The following NKIRAS1 variants were observed in gnomAD, a reference collection of about 807,000 sequenced individuals.
The protein encoded by NKIRAS1 is NFKB inhibitor interacting Ras like 1.
NKIRAS1 carries 16 observed loss-of-function variants against 19.8 expected under a neutral mutation model. The observed-to-expected ratio is 0.81, with a 90% confidence interval of 0.55 to 1.23. The LOEUF (loss-of-function observed/expected upper bound fraction) is 1.23, where lower values mean the gene tolerates loss of function less well. Ranked by LOEUF, NKIRAS1 falls within the 50% of genes most tolerant of loss-of-function variation. NKIRAS1 has a pLI of 0.00. For missense variants in NKIRAS1, 184 were observed against 220.0 expected (o/e 0.84, Z 1.04); for synonymous variants, 88 against 79.0 (o/e 1.11, Z -0.61).
chr3:23,917,781 G>C, upstream of NKIRAS1: 2 of 1,457,250 alleles, frequency 1.4e-6, no homozygotes, highest in South Asian at 2.7e-5. Flanking sequence ...GGGGAACTAA[G>C]ATGGACGGAT....
intron 1 of NKIRAS1, among the ~76,000 whole-genome samples, chr3:23,911,943 T>A (rs1055462692): frequency 1.3e-5 from 2 of 152,090 alleles, no homozygotes; most frequent in Non-Finnish European, 2.9e-5. Flanking sequence ...TTTGTATTTT[T>A]AGTAGAGACG....
chr3:23,894,640 C>CCACCTCTGCTTTGAATGTTCCTT (rs1701801477), intron 4 of NKIRAS1, among the ~76,000 whole-genome samples: 1 of 152,188 alleles, frequency 6.6e-6, no homozygotes, highest in African/African-American at 2.4e-5. Context: ...TCTGCGTCCT[C>CCACCTCTGCTTTGAATGTTCCTT]CACCTCTGCT....
upstream of NKIRAS1, chr3:23,918,648 T>C (rs1410701861): frequency 5.2e-6 from 8 of 1,540,500 alleles, no homozygotes; most frequent in South Asian, 1.2e-5. Flanking sequence ...TAAGCAACTT[T>C]TCTGATTGTA....
intron 4 of NKIRAS1, among the ~76,000 whole-genome samples, chr3:23,899,100 A>T (rs551770623): frequency 1.6e-4 from 25 of 152,230 alleles, no homozygotes; most frequent in Non-Finnish European, 3.4e-4. Context: ...CCACTGATTT[A>T]TATAACAATC....
chr3:23,893,563 T>A (rs1176772457), intron 4 of NKIRAS1, among the ~76,000 whole-genome samples: 1 of 152,104 alleles, frequency 6.6e-6, no homozygotes, highest in African/African-American at 2.4e-5. Context: ...TCCCAGCACT[T>A]TGGGAGGCCG....
intron 1 of NKIRAS1, among the ~76,000 whole-genome samples, chr3:23,937,810 A>G (rs1035717642): frequency 4.6e-5 from 7 of 152,202 alleles, no homozygotes; most frequent in Non-Finnish European, 8.8e-5. Flanking sequence ...TCAATGAAGT[A>G]TCTTGGCCAG....
chr3:23,913,392 A>G (rs1230856660), intron 1 of NKIRAS1, among the ~76,000 whole-genome samples: 2 of 152,216 alleles, frequency 1.3e-5, no homozygotes, highest in Non-Finnish European at 2.9e-5. Flanking sequence ...AGATGAAAAG[A>G]TAAGTGTGAT....
At chr3:23,921,658 T>G (rs533743768), upstream of NKIRAS1, 12 of 576,648 alleles carry the variant, frequency 2.1e-5, no homozygotes, top group African/African-American at 1.4e-4. Context: ...CACTGCAACC[T>G]CTGTCTCCCG....
upstream of NKIRAS1, chr3:23,920,261 CATT>C (rs755225847): frequency 3.2e-5 from 32 of 985,580 alleles, no homozygotes; most frequent in Non-Finnish European, 3.7e-5. Flanking sequence ...CCTTCAGTCA[CATT>C]AGGGGGAAAG....
In NKIRAS1 at chr3:23,927,521, C is replaced by T. The variant is rs191228487; in HGVS notation, c.-139-16071G>A. Reference sequence around the variant, plus strand: ...CCTGGCAAACGGCAACTCACTCCTCCAAAACTGATGAAAGCATTTGATTTA... The same window carrying T: ...CCTGGCAAACGGCAACTCACTCCTCTAAAACTGATGAAAGCATTTGATTTA... On this transcript the variant is annotated intron_variant, in intron 1 of 4. Coordinates refer to the NKIRAS1 transcript ENST00000421515. This position sits in a 1 kb window ranked among gnomAD's most constrained non-coding sequence, Gnocchi z 4.0. 1.3e-5 allele frequency among the ~76,000 whole-genome samples: 2 copies of T among 152,308 alleles called. No homozygotes were observed. The highest frequency in any genetic ancestry group is 1.3e-4 in the Admixed American group (2 of 15,300).
At chr3:23,915,907 T>G (rs184084138) in intron 1 of NKIRAS1, 1 of 152,342 alleles carries the variant, frequency 6.6e-6, no homozygotes, top group African/African-American at 2.4e-5. Context: ...TTCCCTCCCC[T>G]TATCTTTTTT....
chr3:23,939,347 A>C (rs925793292), intron 1 of NKIRAS1, among the ~76,000 whole-genome samples: 2 of 152,364 alleles, frequency 1.3e-5, no homozygotes, highest in Middle Eastern at 3.4e-3. Flanking sequence ...AATTTAGTGA[A>C]TCAATAAAGC....
At position 23,922,914 on chromosome 3, in the gene NKIRAS1, C is replaced by T. The variant is rs1705136435; in HGVS notation, c.-139-11464G>A. The T allele has an allele frequency of 6.6e-6, 1 of 152,220 alleles. No homozygotes were observed. Among genetic ancestry groups the T allele is most frequent in the Admixed American group, 6.5e-5 (1 of 15,270 alleles). The allele number at this position is 152,220 out of a possible 1,614,324, so 9.4% of individuals were successfully genotyped here. ...CAACCTCCTGGCTCAAGCAATCCTC[C>T]CACCTCAGCCTGTCGAGTAGCTGGA... is the stretch of plus-strand genomic sequence containing the variant. On this transcript the variant is annotated intron_variant, in intron 1 of 4. Transcript: ENST00000421515. This position sits in a 1 kb window ranked among gnomAD's most constrained non-coding sequence, Gnocchi z 4.2.
intron 1 of NKIRAS1, among the ~76,000 whole-genome samples, chr3:23,934,833 GA>G (rs34467255): frequency 7.0e-5 from 10 of 143,282 alleles, no homozygotes; most frequent in East Asian, 3.9e-4. Flanking sequence ...TTGCTCTCTT[GA>G]AAAAAAAAAA....
rs1705206183 is a variant in NKIRAS1, at chr3:23,926,046, TTTTA to T, written c.-139-14600_-139-14597del. ...ATAGTGCCAATTTATTTATTTTTAT[TTTTA>T]TTTATTTATTTATTTTTTGAGACAG... On this transcript the variant is annotated intron_variant, in intron 1 of 4. Coordinates refer to the NKIRAS1 transcript ENST00000421515. This position sits in a 1 kb window ranked among gnomAD's most constrained non-coding sequence, Gnocchi z 4.3. Among the ~76,000 whole-genome samples, 1 of 152,038 alleles carries T rather than the reference TTTTA, an allele frequency of 6.6e-6. No individual in the cohort carries two copies. The highest frequency in any genetic ancestry group is 1.5e-5 in the Non-Finnish European group (1 of 68,006).
At chr3:23,944,221 C>G (rs1402114749) in intron 1 of NKIRAS1, among the ~76,000 whole-genome samples, 2 of 152,106 alleles carry the variant, frequency 1.3e-5, no homozygotes. Flanking sequence ...TGCAGATTTA[C>G]CAAAACAGTA....
chr3:23,908,570 C>T (rs923807105), intron 3 of NKIRAS1, among the ~76,000 whole-genome samples: 4 of 152,116 alleles, frequency 2.6e-5, no homozygotes, highest in Admixed American at 2.0e-4. Context: ...ATCAATGCCA[C>T]CTTTCTATTT....
At chr3:23,901,148 T>C (rs1702479059) in intron 3 of NKIRAS1, 99 bp from the exon 4 acceptor site, 2 of 1,249,200 alleles carry the variant, frequency 1.6e-6, no homozygotes, top group Non-Finnish European at 2.2e-6. Context: ...GTTTCTTATT[T>C]ACCACATATA....
rs1705213472 is a variant in NKIRAS1, at chr3:23,926,404, T to C, written c.-139-14954A>G. 6.6e-6 allele frequency among the ~76,000 whole-genome samples: 1 copy of C among 152,010 alleles called. No individual in the cohort carries two copies. Among genetic ancestry groups the C allele is most frequent in the Non-Finnish European group, 1.5e-5 (1 of 68,010 alleles). On this transcript the variant is annotated intron_variant, in intron 1 of 4. Coordinates refer to the NKIRAS1 transcript ENST00000421515. This position sits in a 1 kb window ranked among gnomAD's most constrained non-coding sequence, Gnocchi z 4.3. ...CTTCTTTATTTCTTCTTCTTTCTTC[T>C]TCCTCCTCCTCCTTCCTCCTCCTCC...
Sources: gnomAD v4.1 joint callset for allele counts (sites outside exome capture counted in the v4.1 genomes callset) on GRCh38, gnomAD v4.1.1 for gene constraint, Gnocchi (gnomAD v3.1) non-coding constraint, MANE v1.5 for transcripts, NCBI Gene and HGNC (gene_info 2026-07-23, HGNC 2026-07-21) for gene names.